Variants in PDZRN4 observed in about 807,000 individuals in gnomAD.
PDZRN4 encodes PDZ domain-containing RING finger protein 4.
In PDZRN4, 70 loss-of-function variants were observed where a neutral mutation model predicts 99.0. The ratio of observed to expected loss-of-function variants is 0.71; its 90% CI spans 0.58 to 0.86. PDZRN4 has a LOEUF of 0.86. Among genes scored for constraint, PDZRN4 ranks in the 40% least tolerant of loss-of-function variants. The pLI is 0.00. For synonymous variants in PDZRN4, 551 were observed against 501.6 expected, an observed-to-expected ratio of 1.10 and a Z score of -1.32; for missense variants, 1,474 against 1,331.2, an observed-to-expected ratio of 1.11 and a Z score of -1.67.
chr12:41,291,398 C>G (rs930031780), intron 3 of PDZRN4, among the ~76,000 whole-genome samples: 3 of 152,104 alleles, frequency 2.0e-5, no homozygotes, highest in Admixed American at 2.0e-4. Flanking sequence ...TTCAGTTTTA[C>G]CCCTAATTTC....
At chr12:41,413,272 G>C (rs11180907) in intron 3 of PDZRN4, among the ~76,000 whole-genome samples, 1 of 152,040 alleles carries the variant, frequency 6.6e-6, no homozygotes, top group Non-Finnish European at 1.5e-5. Context: ...GGAATAGAAA[G>C]TTAAAAATCA....
chr12:41,394,551 C>T (rs1038863467), intron 3 of PDZRN4, among the ~76,000 whole-genome samples: 3 of 152,124 alleles, frequency 2.0e-5, no homozygotes, highest in Non-Finnish European at 2.9e-5. Flanking sequence ...AACATCTTAG[C>T]TGGCTCGGGG....
intron 8 of PDZRN4, among the ~76,000 whole-genome samples, chr12:41,564,342 A>T (rs1173859925): frequency 6.6e-6 from 1 of 151,968 alleles, no homozygotes; most frequent in African/African-American, 2.4e-5. Context: ...ATGAAAGTAG[A>T]GTAAAGGTAA....
At chr12:41,426,498 T>C (rs1269109710) in intron 3 of PDZRN4, among the ~76,000 whole-genome samples, 1 of 152,186 alleles carries the variant, frequency 6.6e-6, no homozygotes, top group East Asian at 1.9e-4. Context: ...GGGAAGAGTA[T>C]ATCTTATTGA....
chr12:41,470,549 G>A (rs1309627410), intron 3 of PDZRN4, among the ~76,000 whole-genome samples: 1 of 151,646 alleles, frequency 6.6e-6, no homozygotes, highest in Admixed American at 6.6e-5. Context: ...TGTGCACAAC[G>A]TGCAGGTTTG....
chr12:41,370,229 T>A (rs1294124803), intron 3 of PDZRN4, among the ~76,000 whole-genome samples: 1 of 151,984 alleles, frequency 6.6e-6, no homozygotes, highest in Non-Finnish European at 1.5e-5. Flanking sequence ...ATCAATTTTC[T>A]TCTTAATGAC....
At chr12:41,531,175 A>G (rs1282974556) in intron 5 of PDZRN4, among the ~76,000 whole-genome samples, 1 of 152,126 alleles carries the variant, frequency 6.6e-6, no homozygotes, top group Non-Finnish European at 1.5e-5. Context: ...ATCGGATCAC[A>G]CCTGGGCTTG....
intron 3 of PDZRN4, among the ~76,000 whole-genome samples, chr12:41,267,062 T>C (rs557952681): frequency 2.0e-5 from 3 of 152,326 alleles, no homozygotes; most frequent in Non-Finnish European, 4.4e-5. Flanking sequence ...CTCTTTTTTT[T>C]CACGGGCTCT....
intron 3 of PDZRN4, among the ~76,000 whole-genome samples, chr12:41,281,482 G>A (rs1951385341): frequency 1.3e-5 from 2 of 152,260 alleles, no homozygotes; most frequent in East Asian, 1.9e-4. Context: ...AAAGGTTAGA[G>A]TAATTGCTAA....
At chr12:41,402,729 T>G (rs1952313096) in intron 3 of PDZRN4, among the ~76,000 whole-genome samples, 1 of 144,914 alleles carries the variant, frequency 6.9e-6, no homozygotes, top group Non-Finnish European at 1.5e-5. Flanking sequence ...GAATCACCAG[T>G]GATTTTTACT....
intron 5 of PDZRN4, among the ~76,000 whole-genome samples, chr12:41,539,875 C>T (rs1474212471): frequency 6.6e-6 from 1 of 152,112 alleles, no homozygotes; most frequent in Non-Finnish European, 1.5e-5. Flanking sequence ...TACATGTAGA[C>T]CCTCCTTTTC....
chr12:41,521,787 A>C (rs1032328655), intron 5 of PDZRN4, among the ~76,000 whole-genome samples: 1 of 152,070 alleles, frequency 6.6e-6, no homozygotes, highest in Admixed American at 6.6e-5. Flanking sequence ...CCCCTTTGGC[A>C]TGTAATTGAG....
intron 3 of PDZRN4, among the ~76,000 whole-genome samples, chr12:41,289,620 TA>T (rs371660079): frequency 7.2e-5 from 11 of 152,162 alleles, no homozygotes; most frequent in African/African-American, 2.2e-4. Context: ...CATTTTGAAG[TA>T]AATATGTAAC....
chr12:41,293,702 A>G (rs1266892080), intron 3 of PDZRN4, among the ~76,000 whole-genome samples: 1 of 152,166 alleles, frequency 6.6e-6, no homozygotes, highest in Non-Finnish European at 1.5e-5. Flanking sequence ...GACATGGATT[A>G]TTTAGTGTAA....
chr12:41,209,515 G>GGCC (rs1432462785), intron 3 of PDZRN4, among the ~76,000 whole-genome samples: 2 of 92,220 alleles, frequency 2.2e-5, no homozygotes, highest in East Asian at 7.2e-4. Context: ...CCCCACAACA[G>GGCC]GCCCCGATGT....
intron 3 of PDZRN4, among the ~76,000 whole-genome samples, chr12:41,281,073 G>C (rs1372722670): frequency 1.4e-5 from 2 of 147,932 alleles, no homozygotes; most frequent in African/African-American, 2.4e-5. Context: ...CAGGTAAACA[G>C]GGTCTGGAGT....
intron 3 of PDZRN4, among the ~76,000 whole-genome samples, chr12:41,474,817 A>G (rs1953024890): frequency 6.6e-6 from 1 of 152,260 alleles, no homozygotes; most frequent in East Asian, 1.9e-4. Context: ...AGATGTGAGA[A>G]CTAATTAAAT....
chr12:41,319,289 T>C (rs891618174), intron 3 of PDZRN4, among the ~76,000 whole-genome samples: 2 of 152,134 alleles, frequency 1.3e-5, no homozygotes, highest in Admixed American at 6.5e-5. Flanking sequence ...GACCTAAGCC[T>C]CCAGTAGTGG....
At chr12:41,210,132 G>A (rs1345166960) in intron 3 of PDZRN4, among the ~76,000 whole-genome samples, 2 of 152,040 alleles carry the variant, frequency 1.3e-5, no homozygotes, top group African/African-American at 2.4e-5. Context: ...TTTTCTGTCT[G>A]CATAAATGTC....
Sources: allele counts gnomAD v4.1 joint callset (sites outside exome capture counted in the v4.1 genomes callset), GRCh38; gene constraint gnomAD v4.1.1; transcripts MANE v1.5; gene names NCBI Gene and HGNC (gene_info 2026-07-23, HGNC 2026-07-21).